The following TSPAN10 variants were observed in gnomAD, a reference collection of about 807,000 sequenced individuals.
The protein encoded by TSPAN10 is tetraspanin 10, also known as tetraspanin-10.
TSPAN10 carries 11 observed loss-of-function variants against 15.0 expected under a neutral mutation model. The ratio of observed to expected loss-of-function variants is 0.73; its 90% CI spans 0.46 to 1.21. The LOEUF (loss-of-function observed/expected upper bound fraction) is 1.21, where lower values mean the gene tolerates loss of function less well. TSPAN10 is among the 50% of genes most tolerant of loss of function. The pLI is 0.00. For missense variants in TSPAN10, 486 were observed against 470.6 expected (o/e 1.03, Z -0.30); for synonymous variants, 241 against 226.2 (o/e 1.07, Z -0.59).
chr17:81,638,163 G>T (rs1204901060), upstream of TSPAN10: 1 of 152,074 alleles, frequency 6.6e-6, no homozygotes, highest in Non-Finnish European at 1.5e-5. Flanking sequence ...CCACTGCCTA[G>T]ACTTTATCAA....
exon 2 of TSPAN10, chr17:81,645,613 G>A (rs563117564): frequency 6.2e-7 from 1 of 1,612,498 alleles, no homozygotes; most frequent in East Asian, 2.2e-5. Context: ...CTCCTACCAG[G>A]ACTGGCAGCA....
At position 81,647,859 on chromosome 17, in the gene TSPAN10, G is replaced by C. The variant is rs545977465; in HGVS notation, c.675-42G>C. 7 of 1,571,874 alleles carry C rather than the reference G, an allele frequency of 4.5e-6. No individual in the cohort carries two copies. The African/African-American group carries it at 8.1e-5, about 18-fold the overall frequency. On this transcript the variant is annotated intron_variant, in intron 2 of 2. Transcript: ENST00000611590. ...CCTCTGTGCCTGGTCCCAGAAGAGC[G>C]GGCCCTCCCCGCCAGAACTGACGAT...
upstream of TSPAN10, chr17:81,637,555 T>A: frequency 1.8e-6 from 1 of 568,034 alleles, no homozygotes; most frequent in South Asian, 2.1e-5. Flanking sequence ...TCCCAGCATT[T>A]TGGGAAGCCA....
chr17:81,648,068 C>A (rs746584048), exon 3 of TSPAN10: 4 of 1,591,682 alleles, frequency 2.5e-6, no homozygotes, highest in Admixed American at 1.7e-5. Flanking sequence ...GGCTGCGGCC[C>A]GCCGCTCCGG....
At chr17:81,637,445 C>T (rs1450007930), upstream of TSPAN10, 1 of 640,970 alleles carries the variant, frequency 1.6e-6, no homozygotes. Flanking sequence ...AGGATCACAC[C>T]TTCATGTTTT....
chr17:81,648,507 G>A (rs983874899), downstream of TSPAN10: 11 of 386,432 alleles, frequency 2.8e-5, no homozygotes, highest in Non-Finnish European at 4.2e-5. Flanking sequence ...CCACGGGACT[G>A]GCGGGAGGAG....
chr17:81,643,042 G>A (rs1014420282), intron 1 of TSPAN10, among the ~76,000 whole-genome samples: 12 of 149,370 alleles, frequency 8.0e-5, no homozygotes, highest in African/African-American at 2.7e-4. Flanking sequence ...GTCTCGCTCT[G>A]TCACCAGGCT....
intron 1 of TSPAN10, among the ~76,000 whole-genome samples, chr17:81,642,804 A>G (rs1192253780): frequency 6.6e-6 from 1 of 152,054 alleles, no homozygotes; most frequent in East Asian, 1.9e-4. Context: ...CCAGGCACTG[A>G]CAGCCTGTCC....
In TSPAN10 at chr17:81,643,610, CAAAAAA is replaced by C. The variant is rs777668849; in HGVS notation, c.36+1181_36+1186del. 5.3e-4 allele frequency among the ~76,000 whole-genome samples: 8 copies of C among 15,134 alleles called. 1 individual carries two copies. Among genetic ancestry groups the C allele is most frequent in the Middle Eastern group, 0.059 (2 of 34 alleles). The allele number at this position is 15,134 out of a possible 152,430, so 9.9% of individuals were successfully genotyped here. ...TGGGCGACAGAGCGAGACTCCGTCT[CAAAAAA>C]AAAAAAAAAAAAAAAAAATTACCAG... On this transcript the variant is annotated intron_variant, in intron 1 of 2. Coordinates refer to ENST00000611590, the Ensembl canonical transcript of TSPAN10.
intron 2 of TSPAN10, 77 bp downstream of exon 3, chr17:81,645,706 GTC>G (rs780537430): frequency 1.6e-4 from 245 of 1,546,396 alleles, no homozygotes; most frequent in Non-Finnish European, 2.1e-4. Context: ...TGTACACACA[GTC>G]ACTCACACGT....
chr17:81,643,483 C>T (rs1258141556), intron 1 of TSPAN10, among the ~76,000 whole-genome samples: 1 of 82,052 alleles, frequency 1.2e-5, no homozygotes, highest in Middle Eastern at 4.9e-3. Context: ...TAGTGGCGGG[C>T]GCCTGTAGTC....
upstream of TSPAN10, chr17:81,642,404 G>C (rs1350793960): frequency 3.1e-6 from 5 of 1,613,450 alleles, no homozygotes; most frequent in African/African-American, 4.0e-5. Context: ...TTCTGTTCCA[G>C]CGTCAAGGAT....
Position 81,645,695 on chromosome 17 carries a change from G to A in TSPAN10, c.674+66G>A, listed in dbSNP as rs116344057. On this transcript the variant is annotated intron_variant, in intron 2 of 2. Transcript: ENST00000611590. Reference sequence around the variant, plus strand: ...TCGCAGAGGCCACACACCCTTGTGCGTGTACACACAGTCACTCACACGTAC... The same window carrying A: ...TCGCAGAGGCCACACACCCTTGTGCATGTACACACAGTCACTCACACGTAC... 1.5e-4 allele frequency: 232 copies of A among 1,581,462 alleles called. 1 individual carries two copies. The highest frequency in any genetic ancestry group is 8.6e-4 in the East Asian group (38 of 44,444).
At chr17:81,646,670 ACT>A (rs74875603) in intron 2 of TSPAN10, 59,599 of 135,586 alleles carry the variant, frequency 0.44, 14,773 homozygotes, top group East Asian at 0.8. Context: ...ATGGAGGGAG[ACT>A]CTGTCTCAAA....
At chr17:81,645,195 C>G in exon 2 of TSPAN10, 3 of 1,546,438 alleles carry the variant, frequency 1.9e-6, no homozygotes, top group Non-Finnish European at 2.6e-6. Context: ...AGTATCTGAT[C>G]TTCCTCTCCA....
intron 2 of TSPAN10, 116 bp downstream of exon 3, chr17:81,645,745 G>A: frequency 7.6e-7 from 1 of 1,319,088 alleles, no homozygotes; most frequent in Middle Eastern, 2.3e-4. Flanking sequence ...ATGCCCACAT[G>A]CATGCACACG....
exon 3 of TSPAN10, chr17:81,648,280 C>G: frequency 8.3e-7 from 1 of 1,211,276 alleles, no homozygotes; most frequent in Non-Finnish European, 1.0e-6. Flanking sequence ...CGCTGCCAAG[C>G]CCGCCCGGGG....
At chr17:81,646,192 G>A (rs2144384422) in intron 2 of TSPAN10, 1 of 165,464 alleles carries the variant, frequency 6.0e-6, no homozygotes, top group Middle Eastern at 2.7e-3. Context: ...AGGAGTTCAA[G>A]ACCAGCCTGG....
chr17:81,642,480 T>C, intron 1 of TSPAN10, 32 bp downstream of exon 2: 2 of 1,591,910 alleles, frequency 1.3e-6, no homozygotes, highest in South Asian at 2.3e-5. Context: ...TGCCCTGAGG[T>C]TGGAGATGTC....
Sources: gnomAD v4.1 joint callset for allele counts (sites outside exome capture counted in the v4.1 genomes callset) on GRCh38, gnomAD v4.1.1 for gene constraint, MANE v1.5 for transcripts, NCBI Gene and HGNC (gene_info 2026-07-23, HGNC 2026-07-21) for gene names.